The following MAN1A1 variants were observed in gnomAD, a reference collection of about 807,000 sequenced individuals.
MAN1A1 encodes the protein mannosyl-oligosaccharide 1,2-alpha-mannosidase IA.
MAN1A1 carries 29 observed loss-of-function variants against 70.8 expected under a neutral mutation model. The ratio of observed to expected loss-of-function variants is 0.41; its 90% CI spans 0.31 to 0.56. MAN1A1 has a LOEUF of 0.56. MAN1A1 is among the 20% of genes least tolerant of loss of function. The pLI is 0.29. For synonymous variants in MAN1A1, 349 were observed against 330.1 expected (o/e 1.06, Z -0.62); for missense variants, 747 against 841.3 (o/e 0.89, Z 1.39).
At chr6:119,198,153 C>T (rs983262988) in intron 8 of MAN1A1, among the ~76,000 whole-genome samples, 2 of 152,170 alleles carry the variant, frequency 1.3e-5, no homozygotes, top group East Asian at 1.9e-4. Context: ...CTTTGGGAGG[C>T]CAAGGTGGGC....
chr6:119,286,232 C>T (rs558923873), intron 5 of MAN1A1, among the ~76,000 whole-genome samples: 24 of 152,166 alleles, frequency 1.6e-4, no homozygotes, highest in Admixed American at 1.4e-3. Flanking sequence ...GTCATATATC[C>T]TAATTTTCTA....
At chr6:119,248,995 T>C (rs538496777) in intron 5 of MAN1A1, among the ~76,000 whole-genome samples, 22 of 152,288 alleles carry the variant, frequency 1.4e-4, no homozygotes, top group African/African-American at 5.1e-4. Context: ...AACACAGATA[T>C]AATGAGAGCT....
In MAN1A1 at chr6:119,310,482, A is replaced by C. The variant is rs1049086157; in HGVS notation, c.604-3490T>G. ...GATGTGATGCTGGCCCAGCTGAATG[A>C]ACCAGGGCCTGGTGCCCAACTCAAA... is the stretch of plus-strand genomic sequence containing the variant. On this transcript the variant is annotated intron_variant, in intron 2 of 12. Transcript: ENST00000368468. Among the ~76,000 whole-genome samples the C allele has an allele frequency of 2.2e-4, 33 of 152,272 alleles. 1 individual carries two copies. The highest frequency in any genetic ancestry group is 6.5e-4 in the Admixed American group (10 of 15,284).
intron 3 of MAN1A1, among the ~76,000 whole-genome samples, chr6:119,305,392 T>A (rs2114447472): frequency 6.6e-6 from 1 of 152,256 alleles, no homozygotes; most frequent in Admixed American, 6.5e-5. Context: ...AATGTTGTAA[T>A]AAACAATGAA....
intron 5 of MAN1A1, among the ~76,000 whole-genome samples, chr6:119,281,075 G>C (rs1286729135): frequency 1.3e-5 from 2 of 152,198 alleles, no homozygotes; most frequent in Admixed American, 1.3e-4. Context: ...GAAGGCCGGG[G>C]AGAAGCCTAC....
chr6:119,270,371 T>C (rs749080938), intron 5 of MAN1A1, among the ~76,000 whole-genome samples: 2 of 152,218 alleles, frequency 1.3e-5, no homozygotes, highest in Non-Finnish European at 2.9e-5. Context: ...AACTATAGTG[T>C]TTTTCTTTTT....
intron 8 of MAN1A1, among the ~76,000 whole-genome samples, chr6:119,196,679 T>C (rs1249867932): frequency 6.6e-6 from 1 of 152,178 alleles, no homozygotes; most frequent in Non-Finnish European, 1.5e-5. Context: ...AAAAAGCAAG[T>C]AGCAAAAGAA....
chr6:119,325,752 A>T (rs1361995073), intron 2 of MAN1A1, among the ~76,000 whole-genome samples: 1 of 152,228 alleles, frequency 6.6e-6, no homozygotes, highest in Non-Finnish European at 1.5e-5. Context: ...AATTGAAATA[A>T]GATAGTTTGT....
At chr6:119,190,953 CAA>C (rs1176874624) in intron 9 of MAN1A1, among the ~76,000 whole-genome samples, 3 of 152,020 alleles carry the variant, frequency 2.0e-5, no homozygotes, top group Non-Finnish European at 4.4e-5. Flanking sequence ...ACACTGCTAT[CAA>C]GAGAGAGGGA....
intron 12 of MAN1A1, 120 bp downstream of exon 12, chr6:119,180,192 C>T: frequency 1.3e-6 from 1 of 764,186 alleles, no homozygotes; most frequent in Non-Finnish European, 2.2e-6. Flanking sequence ...CAATTATAGC[C>T]ATGCCTGATA....
intron 5 of MAN1A1, among the ~76,000 whole-genome samples, chr6:119,288,889 T>C (rs959270110): frequency 6.6e-6 from 1 of 151,770 alleles, no homozygotes; most frequent in Non-Finnish European, 1.5e-5. Context: ...AATAAAAACA[T>C]GTTTGTGTAG....
intron 2 of MAN1A1, among the ~76,000 whole-genome samples, chr6:119,318,609 C>G (rs1582799508): frequency 6.6e-6 from 1 of 152,240 alleles, no homozygotes; most frequent in East Asian, 1.9e-4. Flanking sequence ...ACATGACATG[C>G]AAAACCAACT....
intron 6 of MAN1A1, among the ~76,000 whole-genome samples, chr6:119,207,472 T>TA (rs1773899499): frequency 6.6e-6 from 1 of 152,162 alleles, no homozygotes; most frequent in Non-Finnish European, 1.5e-5. Flanking sequence ...TTCAAGAAAT[T>TA]AGAGATGGCA....
At chr6:119,201,903 T>C (rs1358123739) in intron 7 of MAN1A1, among the ~76,000 whole-genome samples, 2 of 152,162 alleles carry the variant, frequency 1.3e-5, no homozygotes, top group Admixed American at 1.3e-4. Context: ...CAGGGCACTT[T>C]GTATAGGGCA....
intron 8 of MAN1A1, among the ~76,000 whole-genome samples, chr6:119,198,978 T>C (rs1007628193): frequency 1.3e-5 from 2 of 152,252 alleles, no homozygotes; most frequent in Non-Finnish European, 2.9e-5. Context: ...ATTGTTACAT[T>C]AAAAGCCACT....
At chr6:119,203,941 T>G (rs1269182669) in intron 7 of MAN1A1, among the ~76,000 whole-genome samples, 1 of 150,850 alleles carries the variant, frequency 6.6e-6, no homozygotes, top group Non-Finnish European at 1.5e-5. Flanking sequence ...ATGTAGGGAG[T>G]GAATATCAAC....
chr6:119,213,728 T>C (rs928079805), intron 6 of MAN1A1, among the ~76,000 whole-genome samples: 12 of 152,182 alleles, frequency 7.9e-5, no homozygotes, highest in Non-Finnish European at 1.5e-5. Flanking sequence ...ACATAATAGA[T>C]GCCATTTTAT....
chr6:119,230,212 A>G (rs1263885988), intron 6 of MAN1A1, among the ~76,000 whole-genome samples: 1 of 152,222 alleles, frequency 6.6e-6, no homozygotes, highest in Non-Finnish European at 1.5e-5. Flanking sequence ...GTAAAACATG[A>G]CAATCTAAAA....
chr6:119,209,093 A>C (rs75809373), intron 6 of MAN1A1, among the ~76,000 whole-genome samples: 5 of 151,134 alleles, frequency 3.3e-5, no homozygotes, highest in Non-Finnish European at 4.4e-5. Flanking sequence ...CCCGTCTCAA[A>C]AAAAAAAAAA....
Sources: gnomAD v4.1 joint callset for allele counts (sites outside exome capture counted in the v4.1 genomes callset) on GRCh38, gnomAD v4.1.1 for gene constraint, MANE v1.5 for transcripts, NCBI Gene and HGNC (gene_info 2026-07-23, HGNC 2026-07-21) for gene names.